The following TSGA10 variants were observed in gnomAD, a reference collection of about 807,000 sequenced individuals.
The protein encoded by TSGA10 is testis specific 10, also known as testis-specific gene 10 protein.
In TSGA10, 43 loss-of-function variants were observed where a neutral mutation model predicts 96.6. The observed-to-expected ratio is 0.44, with a 90% CI of 0.35 to 0.57. The LOEUF (loss-of-function observed/expected upper bound fraction) is 0.57. Ranked by LOEUF, TSGA10 falls within the 20% of genes least tolerant of loss-of-function variation. The pLI is 0.01. For synonymous variants in TSGA10, 229 were observed against 269.9 expected, an observed-to-expected ratio of 0.85 and a Z score of 1.48; for missense variants, 703 against 834.4, an observed-to-expected ratio of 0.84 and a Z score of 1.94.
At chr2:99,040,662 G>A (rs143512347) in intron 16 of TSGA10, among the ~76,000 whole-genome samples, 2,758 of 151,856 alleles carry the variant, frequency 0.018, 87 homozygotes, top group African/African-American at 0.063. Flanking sequence ...TGGATGGGTA[G>A]AATCAATATT....
At chr2:99,007,254 C>T (rs752707337) in intron 20 of TSGA10, among the ~76,000 whole-genome samples, 1 of 152,036 alleles carries the variant, frequency 6.6e-6, no homozygotes, top group African/African-American at 2.4e-5. Context: ...AACAAACCTG[C>T]ACATTGTGCA....
At chr2:99,115,626 T>A (rs1237619496) in intron 4 of TSGA10, among the ~76,000 whole-genome samples, 1 of 152,076 alleles carries the variant, frequency 6.6e-6, no homozygotes, top group Non-Finnish European at 1.5e-5. Context: ...ATGCCTGTAA[T>A]CCCAGCACTT....
chr2:99,102,701 C>T, intron 10 of TSGA10: 3 of 1,612,322 alleles, frequency 1.9e-6, no homozygotes, highest in Non-Finnish European at 2.5e-6. Flanking sequence ...TTGATGTGAT[C>T]ACAGCGGAGA....
At chr2:99,024,591 T>C (rs1336005431) in intron 17 of TSGA10, among the ~76,000 whole-genome samples, 3 of 152,224 alleles carry the variant, frequency 2.0e-5, no homozygotes, top group Admixed American at 2.0e-4. Flanking sequence ...TCATGTCACC[T>C]GCGAACAGAG....
Position 99,043,749 on chromosome 2 carries a change from A to G in TSGA10, c.1405-8310T>C, listed in dbSNP as rs137976355. ...AACATATTCAAAGAGCTCAAAAAAC[A>G]AAACAACCCAAAATACCAAGAATTC... On this transcript the variant is annotated intron_variant, in intron 16 of 20. Coordinates refer to ENST00000393483, the MANE Select transcript of TSGA10 (RefSeq NM_025244.4). Among the ~76,000 whole-genome samples the G allele has an allele frequency of 2.6e-5, 4 of 152,338 alleles. No individual in the cohort carries two copies. In the East Asian group the frequency reaches 7.7e-4, roughly 29 times the overall value.
At chr2:99,109,076 T>C in intron 6 of TSGA10, 85 bp from the exon 7 acceptor site, 1 of 1,024,204 alleles carries the variant, frequency 9.8e-7, no homozygotes, top group Non-Finnish European at 1.4e-6. Context: ...CCAATTTCTA[T>C]TTAAGAAAAT....
intron 20 of TSGA10, among the ~76,000 whole-genome samples, chr2:98,999,358 T>C (rs1447211280): frequency 6.6e-6 from 1 of 152,192 alleles, no homozygotes; most frequent in Non-Finnish European, 1.5e-5. Flanking sequence ...GGCTGCATAC[T>C]GTATGATTCC....
intron 1 of TSGA10, among the ~76,000 whole-genome samples, chr2:99,152,745 G>C (rs1051901987): frequency 2.0e-5 from 3 of 152,208 alleles, no homozygotes; most frequent in Non-Finnish European, 4.4e-5. Flanking sequence ...TCCAGGTGAA[G>C]TCTGACAGGA....
At chr2:99,150,554 T>C in intron 1 of TSGA10, 2 of 1,613,168 alleles carry the variant, frequency 1.2e-6, no homozygotes, top group South Asian at 1.1e-5. Context: ...TGTTCAGCTA[T>C]CCTAATGGGA....
At chr2:99,062,879 T>C (rs2084856275) in intron 16 of TSGA10, among the ~76,000 whole-genome samples, 1 of 152,244 alleles carries the variant, frequency 6.6e-6, no homozygotes, top group Admixed American at 6.5e-5. Flanking sequence ...ATTTCCAGTC[T>C]TCAATGCATA....
At chr2:99,065,272 A>G in intron 15 of TSGA10, 148 bp from the exon 16 acceptor site, 1 of 847,806 alleles carries the variant, frequency 1.2e-6, no homozygotes, top group Non-Finnish European at 1.7e-6. Flanking sequence ...TTAGTTTAGA[A>G]AACAGGTCAT....
intron 10 of TSGA10, among the ~76,000 whole-genome samples, chr2:99,084,926 T>C (rs1006561571): frequency 6.6e-5 from 10 of 151,348 alleles, no homozygotes; most frequent in African/African-American, 2.4e-4. Flanking sequence ...ACCCACTGAT[T>C]ACAAAATCAA....
At chr2:99,028,548 G>C (rs1349778) in intron 17 of TSGA10, among the ~76,000 whole-genome samples, 48,741 of 151,800 alleles carry the variant, frequency 0.32, 8,458 homozygotes, top group African/African-American at 0.45. Context: ...CTGTACATTA[G>C]ATCTCCCAAA....
intron 16 of TSGA10, among the ~76,000 whole-genome samples, chr2:99,058,582 C>G (rs754549461): frequency 6.6e-6 from 1 of 151,968 alleles, no homozygotes. Flanking sequence ...AAACTTCTGG[C>G]TAGACTGATG....
chr2:99,121,846 T>C (rs888071241), intron 2 of TSGA10, among the ~76,000 whole-genome samples: 32 of 152,190 alleles, frequency 2.1e-4, no homozygotes, highest in African/African-American at 7.2e-4. Flanking sequence ...TCTAAGAACT[T>C]TCCATCCAAG....
chr2:99,048,006 G>C (rs2082973079), intron 16 of TSGA10, among the ~76,000 whole-genome samples: 1 of 152,030 alleles, frequency 6.6e-6, no homozygotes, highest in Non-Finnish European at 1.5e-5. Flanking sequence ...TAGGAATCCA[G>C]CTTACAGGGG....
chr2:99,133,513 C>A (rs908504504), intron 1 of TSGA10, among the ~76,000 whole-genome samples: 1 of 152,190 alleles, frequency 6.6e-6, no homozygotes, highest in African/African-American at 2.4e-5. Flanking sequence ...GAATACAACA[C>A]AACAATGGGT....
chr2:99,121,463 T>TGTGTTTTGC (rs2092567723), intron 2 of TSGA10, among the ~76,000 whole-genome samples: 3 of 62 alleles, frequency 0.048, no homozygotes, highest in African/African-American at 0.1. Flanking sequence ...AGTATATATA[T>TGTGTTTTGC]TCATATATAT....
At chr2:99,072,900 T>G in intron 13 of TSGA10, 118 bp downstream of exon 13, 52 of 641,304 alleles carry the variant, frequency 8.1e-5, no homozygotes, top group Middle Eastern at 2.7e-4. Flanking sequence ...CCTCCTTTGA[T>G]GAGAGAGTTA....
Sources: gnomAD v4.1 joint callset for allele counts (sites outside exome capture counted in the v4.1 genomes callset) on GRCh38, gnomAD v4.1.1 for gene constraint, MANE v1.5 for transcripts, NCBI Gene and HGNC (gene_info 2026-07-23, HGNC 2026-07-21) for gene names.